CWF19L1: variants seen among roughly 807,000 people sequenced by gnomAD.
CWF19L1 encodes the protein CWF19 like cell cycle control factor 1, also known as CWF19-like protein 1.
Under a neutral mutation model 69.7 loss-of-function variants are expected in CWF19L1, and 60 were observed. The observed-to-expected ratio is 0.86, with a 90% CI of 0.70 to 1.07. The LOEUF (loss-of-function observed/expected upper bound fraction) is 1.07. Ranked by LOEUF, CWF19L1 falls within the 50% of genes least tolerant of loss-of-function variation. The pLI, the probability that CWF19L1 is intolerant of heterozygous loss-of-function variation, is 0.00. For synonymous variants in CWF19L1, 209 were observed against 222.2 expected (o/e 0.94, Z 0.53); for missense variants, 591 against 638.9 (o/e 0.92, Z 0.81).
intron 13 of CWF19L1, 128 bp from the exon 14 acceptor site, chr10:100,233,499 T>C (rs1312822007): frequency 4.8e-6 from 4 of 830,462 alleles, no homozygotes; most frequent in Non-Finnish European, 7.2e-6. Context: ...TCTGCCATAC[T>C]ATTGATCAAA....
intron 6 of CWF19L1, among the ~76,000 whole-genome samples, chr10:100,251,811 C>CTATTGGCCA (rs1357009920): frequency 2.0e-5 from 3 of 152,196 alleles, no homozygotes; most frequent in African/African-American, 7.2e-5. Flanking sequence ...ACACCCAGCC[C>CTATTGGCCA]TATTGGCCAT....
chr10:100,239,355 T>C (rs1295888258), intron 10 of CWF19L1, among the ~76,000 whole-genome samples: 1 of 152,164 alleles, frequency 6.6e-6, no homozygotes, highest in African/African-American at 2.4e-5. Context: ...AAAACAATTA[T>C]CCAGACCGGG....
chr10:100,241,693 T>G (rs1318809955), intron 10 of CWF19L1, among the ~76,000 whole-genome samples: 1 of 152,250 alleles, frequency 6.6e-6, no homozygotes, highest in African/African-American at 2.4e-5. Flanking sequence ...GGCAATGGCC[T>G]TCGTGCTGCA....
chr10:100,267,595 T>A lies in CWF19L1; in HGVS notation c.-2A>T. ...CAGGCGCAGCGGTTTCTGTGCCATC[T>A]GTCCGAATAGTATGGGTTGCGACTG... is the stretch of plus-strand genomic sequence containing the variant. On this transcript the variant is annotated 5_prime_UTR_variant, in exon 1 of 14. Transcript: ENST00000354105. 1 of 1,614,220 alleles carries A rather than the reference T, an allele frequency of 6.2e-7. No individual in the cohort carries two copies. Among genetic ancestry groups the A allele is most frequent in the Non-Finnish European group, 8.5e-7 (1 of 1,180,038 alleles).
chr10:100,267,616 G>A lies in CWF19L1; in HGVS notation c.-23C>T, dbSNP rs201364775. On this transcript the variant is annotated 5_prime_UTR_variant, in exon 1 of 14. Coordinates refer to ENST00000354105, the MANE Select transcript of CWF19L1 (RefSeq NM_018294.6). ...CATCTGTCCGAATAGTATGGGTTGCGACTGCCACCTAAAATTGGGAATGCG... is the reference window on the plus strand; with the variant it reads ...CATCTGTCCGAATAGTATGGGTTGCAACTGCCACCTAAAATTGGGAATGCG... The A allele has an allele frequency of 7.4e-6, 12 of 1,613,970 alleles. No individual in the cohort carries two copies. Among genetic ancestry groups the A allele is most frequent in the African/African-American group, 1.3e-5 (1 of 74,892 alleles).
At chr10:100,233,920 T>C (rs568238080) in intron 13 of CWF19L1, 1 of 152,280 alleles carries the variant, frequency 6.6e-6, no homozygotes, top group African/African-American at 2.4e-5. Flanking sequence ...TCATACCCAC[T>C]CTGATTTAAA....
intron 6 of CWF19L1, among the ~76,000 whole-genome samples, chr10:100,251,221 A>G (rs1044247792): frequency 6.6e-6 from 1 of 152,150 alleles, no homozygotes; most frequent in Non-Finnish European, 1.5e-5. Context: ...GTTTTCCCTT[A>G]TCTTGGGACA....
At chr10:100,239,850 T>C (rs12246279) in intron 10 of CWF19L1, among the ~76,000 whole-genome samples, 13,362 of 152,206 alleles carry the variant, frequency 0.088, 1,162 homozygotes, top group African/African-American at 0.22. Flanking sequence ...ATGACTAAAG[T>C]TGATGAAAAC....
chr10:100,261,095 T>A, intron 2 of CWF19L1, 51 bp from the exon 3 acceptor site: 1 of 1,176,654 alleles, frequency 8.5e-7, no homozygotes, highest in Non-Finnish European at 1.2e-6. Flanking sequence ...TATCAAACAG[T>A]ACATAATTGA....
intron 13 of CWF19L1, among the ~76,000 whole-genome samples, chr10:100,234,846 G>A (rs1343554975): frequency 1.3e-5 from 2 of 152,044 alleles, no homozygotes; most frequent in Non-Finnish European, 2.9e-5. Flanking sequence ...TGCCTGATAC[G>A]AGGAACAGAA....
chr10:100,249,440 G>C lies in CWF19L1; in HGVS notation c.708+808C>G, dbSNP rs533655914. On this transcript the variant is annotated intron_variant, in intron 7 of 13. Transcript: ENST00000354105. ...CTGGGAAATCAGAAATACTCTCAGA[G>C]AAGTGAGAAAAACAACCTATTTTTC... 5.9e-5 allele frequency among the ~76,000 whole-genome samples: 9 copies of C among 151,476 alleles called. No homozygotes were observed. The South Asian group carries it at 1.9e-3, about 31-fold the overall frequency.
chr10:100,253,562 T>A (rs1347342966), intron 5 of CWF19L1, 23 bp from the exon 6 acceptor site: 2 of 1,380,294 alleles, frequency 1.4e-6, no homozygotes, highest in Non-Finnish European at 2.1e-6. Flanking sequence ...AACTTAGTCA[T>A]CCATACAGAC....
intron 1 of CWF19L1, 112 bp from the exon 2 acceptor site, chr10:100,262,175 G>C: frequency 7.0e-7 from 1 of 1,429,404 alleles, no homozygotes; most frequent in East Asian, 2.6e-5. Flanking sequence ...TCTCTCTGCA[G>C]TTACCTTGCA....
intron 13 of CWF19L1, 106 bp from the exon 14 acceptor site, chr10:100,233,477 C>G: frequency 9.1e-7 from 1 of 1,098,272 alleles, no homozygotes; most frequent in Non-Finnish European, 1.3e-6. Context: ...CTCTCCTGCC[C>G]TGAGTGCCAT....
chr10:100,259,626 C>T (rs906278330), intron 4 of CWF19L1, among the ~76,000 whole-genome samples: 3 of 152,134 alleles, frequency 2.0e-5, no homozygotes, highest in African/African-American at 4.8e-5. Context: ...TTTATCCCTC[C>T]AGTTGGCTAA....
intron 1 of CWF19L1, among the ~76,000 whole-genome samples, chr10:100,264,018 C>T (rs918462061): frequency 6.6e-6 from 1 of 152,184 alleles, no homozygotes; most frequent in Admixed American, 6.5e-5. Flanking sequence ...CAAGGGACCA[C>T]ATATGTAATG....
In CWF19L1 at chr10:100,253,468, G is replaced by T. The variant is rs530074220; in HGVS notation, c.576C>A (p.Tyr192Ter). 5 of 1,613,940 alleles carry T rather than the reference G, an allele frequency of 3.1e-6. No homozygotes were observed. In the East Asian group the frequency reaches 1.1e-4, roughly 36 times the overall value. The part of the protein sequence containing the change: ...SSLATGLKPR[Y>*]HFAALEKTYY... ...AGGTCTTTTCCAAAGCAGCAAAATGGTATCTTGGTTTCAAGCCCGTGGCAA... is the reference window on the plus strand; with the variant it reads ...AGGTCTTTTCCAAAGCAGCAAAATGTTATCTTGGTTTCAAGCCCGTGGCAA... Residue 192 changes from tyrosine (Y) to a stop codon, truncating the protein, a stop_gained, in exon 6 of 14, where the codon TAC becomes TAA. Transcript: ENST00000354105. LOFTEE classifies it high-confidence loss of function.
At chr10:100,235,521 A>G (rs970071381) in intron 13 of CWF19L1, 146 bp downstream of exon 13, 3 of 587,862 alleles carry the variant, frequency 5.1e-6, no homozygotes, top group Non-Finnish European at 9.1e-6. Flanking sequence ...CATTACTGTC[A>G]TATATGTAAA....
At chr10:100,259,525 G>C (rs1232489863) in intron 4 of CWF19L1, among the ~76,000 whole-genome samples, 1 of 152,172 alleles carries the variant, frequency 6.6e-6, no homozygotes, top group Non-Finnish European at 1.5e-5. Context: ...TATATACCTA[G>C]CAAGATTGTA....
Sources: gnomAD v4.1 joint callset for allele counts (sites outside exome capture counted in the v4.1 genomes callset) on GRCh38, gnomAD v4.1.1 for gene constraint, MANE v1.5 for transcripts, NCBI Gene and HGNC (gene_info 2026-07-23, HGNC 2026-07-21) for gene names.